SCHIP1: variants seen among roughly 807,000 people sequenced by gnomAD.
SCHIP1 encodes schwannomin-interacting protein 1.
A neutral mutation model predicts 29.7 loss-of-function variants in SCHIP1; 8 were observed. The observed-to-expected ratio is 0.27, with a 90% CI of 0.16 to 0.49. SCHIP1 has a LOEUF of 0.49. Among genes scored for constraint, SCHIP1 ranks in the 20% least tolerant of loss-of-function variants. The pLI, the probability that SCHIP1 is intolerant of heterozygous loss-of-function variation, is 0.99. For missense variants in SCHIP1, 193 were observed against 294.6 expected (o/e 0.66, Z 2.52); for synonymous variants, 76 against 94.9 (o/e 0.80, Z 1.16).
rs1324271202 is a variant in SCHIP1 at position 159,887,527 on chromosome 3, C to G, written c.268-181C>G. On this transcript the variant is annotated intron_variant, in intron 3 of 6. Coordinates refer to ENST00000445224, the Ensembl canonical transcript of SCHIP1. ...CTGCTCTCTCTGTTTATGCTAAAAT[C>G]TATTTTAAACTAGACCCTTTTTCTG... is the stretch of plus-strand genomic sequence containing the variant. 1.2e-5 allele frequency: 8 copies of G among 659,360 alleles called. No individual in the cohort carries two copies. In the East Asian group the frequency reaches 2.0e-4, roughly 17 times the overall value. The allele number at this position is 659,360 out of a possible 1,614,324, so 40.8% of individuals were successfully genotyped here. A position where few individuals can be genotyped will look rare whatever the true frequency, so the allele number is the denominator to read the frequency against.
At chr3:159,575,869 A>G in the SCHIP1 span, among the ~76,000 whole-genome samples, 2 of 151,886 alleles carry the variant, frequency 1.3e-5, no homozygotes, top group South Asian at 4.2e-4. Flanking sequence ...ATTTTTCCCC[A>G]CCACAGATTA....
At chr3:159,333,119 A>G in the SCHIP1 span, among the ~76,000 whole-genome samples, 1 of 152,194 alleles carries the variant, frequency 6.6e-6, no homozygotes, top group Non-Finnish European at 1.5e-5. Context: ...AAATAAAACC[A>G]TGTCAGTCTA....
the SCHIP1 span, among the ~76,000 whole-genome samples, chr3:159,734,886 C>CT: frequency 6.8e-6 from 1 of 147,772 alleles, no homozygotes; most frequent in African/African-American, 2.5e-5. Flanking sequence ...TGTAGCTCAG[C>CT]TTTAGGACTA....
chr3:159,338,287 C>G, the SCHIP1 span, among the ~76,000 whole-genome samples: 1 of 152,104 alleles, frequency 6.6e-6, no homozygotes, highest in African/African-American at 2.4e-5. Context: ...AGGAAAGCTT[C>G]AGTGAGAAGG....
At chr3:159,857,607 T>C (rs912460353) in intron 1 of SCHIP1, among the ~76,000 whole-genome samples, 2 of 152,156 alleles carry the variant, frequency 1.3e-5, no homozygotes, top group Admixed American at 6.5e-5. Flanking sequence ...TTTCTTCTCT[T>C]AGCCTCTGAC....
chr3:159,561,402 C>A, the SCHIP1 span, among the ~76,000 whole-genome samples: 1 of 152,306 alleles, frequency 6.6e-6, no homozygotes, highest in Admixed American at 6.5e-5. Flanking sequence ...TTCTTAAACA[C>A]CTTGCAGTGG....
chr3:159,796,340 G>T, the SCHIP1 span, among the ~76,000 whole-genome samples: 3 of 152,114 alleles, frequency 2.0e-5, no homozygotes, highest in Non-Finnish European at 4.4e-5. Context: ...CAGAAGCTAG[G>T]GGGAGAGGGA....
chr3:159,600,727 A>G, the SCHIP1 span, among the ~76,000 whole-genome samples: 3 of 152,120 alleles, frequency 2.0e-5, no homozygotes, highest in Admixed American at 1.3e-4. Context: ...TGAAGGTGTC[A>G]TATTTCCTTG....
the SCHIP1 span, chr3:159,401,243 G>A: frequency 1.6e-4 from 140 of 901,960 alleles, no homozygotes; most frequent in Non-Finnish European, 1.8e-4. Context: ...ACTGAGTCCA[G>A]TAAATATCCA....
the SCHIP1 span, among the ~76,000 whole-genome samples, chr3:159,624,616 G>A: frequency 6.6e-6 from 1 of 152,154 alleles, no homozygotes; most frequent in African/African-American, 2.4e-5. Flanking sequence ...CTTAACGAGT[G>A]ACACCTAAGG....
At chr3:159,411,709 G>T in the SCHIP1 span, among the ~76,000 whole-genome samples, 1 of 152,134 alleles carries the variant, frequency 6.6e-6, no homozygotes, top group South Asian at 2.1e-4. Flanking sequence ...GCCATTATCT[G>T]GACTTTCATA....
the SCHIP1 span, among the ~76,000 whole-genome samples, chr3:159,650,210 A>G: frequency 6.6e-6 from 1 of 152,190 alleles, no homozygotes; most frequent in Non-Finnish European, 1.5e-5. Flanking sequence ...GAGAATGAAT[A>G]AGAAATGAAC....
chr3:159,827,172 T>A, the SCHIP1 span, among the ~76,000 whole-genome samples: 1 of 152,320 alleles, frequency 6.6e-6, no homozygotes, highest in Non-Finnish European at 1.5e-5. Context: ...TAAAATAATT[T>A]GAATATTTCT....
At chr3:159,680,769 G>A in the SCHIP1 span, among the ~76,000 whole-genome samples, 3 of 37,012 alleles carry the variant, frequency 8.1e-5, no homozygotes, top group Non-Finnish European at 2.0e-4. Flanking sequence ...CCTCACCTAT[G>A]GGCAAAGTTA....
At chr3:159,626,091 TAG>T in the SCHIP1 span, among the ~76,000 whole-genome samples, 112 of 27,386 alleles carry the variant, frequency 4.1e-3, 4 homozygotes, top group Admixed American at 8.1e-3. Context: ...GCAGCTTATA[TAG>T]ATAGATAGAT....
At chr3:159,780,970 G>T in the SCHIP1 span, among the ~76,000 whole-genome samples, 10 of 152,312 alleles carry the variant, frequency 6.6e-5, no homozygotes, top group African/African-American at 2.4e-4. Context: ...GTTATCAGCA[G>T]CTCCAGGAAT....
the SCHIP1 span, among the ~76,000 whole-genome samples, chr3:159,563,724 C>G: frequency 6.6e-6 from 1 of 151,918 alleles, no homozygotes; most frequent in Non-Finnish European, 1.5e-5. Context: ...TACTCTGAGG[C>G]TAAGGCAACA....
At chr3:159,699,185 A>G in the SCHIP1 span, among the ~76,000 whole-genome samples, 1 of 152,196 alleles carries the variant, frequency 6.6e-6, no homozygotes, top group Non-Finnish European at 1.5e-5. Context: ...TTCTTTGGGC[A>G]TTTACCACAT....
the SCHIP1 span, among the ~76,000 whole-genome samples, chr3:159,559,358 T>G: frequency 6.6e-6 from 1 of 152,342 alleles, no homozygotes; most frequent in East Asian, 1.9e-4. Context: ...CAACATTTTA[T>G]TATGAAAAAT....
Sources: gnomAD v4.1 joint callset for allele counts (sites outside exome capture counted in the v4.1 genomes callset) on GRCh38, gnomAD v4.1.1 for gene constraint, MANE v1.5 for transcripts, NCBI Gene and HGNC (gene_info 2026-07-23, HGNC 2026-07-21) for gene names.